The following PKD1 variants were observed in gnomAD, a reference collection of about 807,000 sequenced individuals.
The protein encoded by PKD1 is polycystin 1, transient receptor potential channel interacting, also known as polycystin-1.
In PKD1, 81 loss-of-function variants were observed where a neutral mutation model predicts 361.7. The ratio of observed to expected loss-of-function variants is 0.22; its 90% CI spans 0.19 to 0.27. The LOEUF (loss-of-function observed/expected upper bound fraction) is 0.27. PKD1 is among the 10% of genes least tolerant of loss of function. PKD1 has a pLI of 1.00. For synonymous variants in PKD1, 3,615 were observed against 2,818.3 expected (o/e 1.28, Z -8.95); for missense variants, 6,399 against 6,118.3 (o/e 1.05, Z -1.53).
Position 2,093,709 on chromosome 16 carries a change from C to G in PKD1, c.10851G>C (p.Leu3617=), listed in dbSNP as rs1389211424. The part of the protein sequence containing the change: ...KVLLEALYFS[L]VAKRLHPDED... ...CATCCGGGTGCAGCCGCTTGGCCAC[C>G]AGTGAGAAGTACAGGGCTTCCAGCA... Residue 3617 remains leucine (L), a synonymous_variant, in exon 37 of 46, where the codon CTG becomes CTC. Transcript: ENST00000262304. 2.6e-5 allele frequency: 41 copies of G among 1,594,814 alleles called. No homozygotes were observed. The highest frequency in any genetic ancestry group is 3.3e-5 in the Non-Finnish European group (39 of 1,170,248).
chr16:2,110,768 G>A lies in PKD1; in HGVS notation c.4399C>T (p.Leu1467=). 1 of 1,610,810 alleles carries A rather than the reference G, an allele frequency of 6.2e-7. No individual in the cohort carries two copies. Among genetic ancestry groups the A allele is most frequent in the East Asian group, 2.2e-5 (1 of 44,890 alleles). The change falls in exon 15 of 46, where the codon CTG becomes TTG. Residue 1467 remains leucine (L), a synonymous_variant. Transcript: ENST00000262304. ...CCATTGACCTTGATGCTGGTGACCA[G>A]CACGGGCTCCTGCACCTCCACCAGG... ...SALVEVQEPV[L]VTSIKVNGSL... is the part of the protein sequence containing the mutation.
intron 1 of PKD1, among the ~76,000 whole-genome samples, chr16:2,127,808 G>A (rs1255359438): frequency 6.6e-6 from 1 of 150,634 alleles, no homozygotes; most frequent in Non-Finnish European, 1.5e-5. Flanking sequence ...ACCCAGGTCT[G>A]ACTCCAGGGC....
At position 2,088,938 on chromosome 16, in the gene PKD1, A is replaced by T. The variant is rs568056589; in HGVS notation, c.*789T>A. On this transcript the variant is annotated 3_prime_UTR_variant, in exon 46 of 46. Coordinates refer to ENST00000262304, the MANE Select transcript of PKD1 (RefSeq NM_001009944.3). ...ACCCTGGGAGCCAGCCCCCAGGAGGAGTCTTTTCCTCTAACCACCCTGGGG... is the reference window on the plus strand; with the variant it reads ...ACCCTGGGAGCCAGCCCCCAGGAGGTGTCTTTTCCTCTAACCACCCTGGGG... 2.7e-6 allele frequency: 1 copy of T among 374,726 alleles called. No individual in the cohort carries two copies. Among genetic ancestry groups the T allele is most frequent in the African/African-American group, 2.1e-5 (1 of 47,890 alleles). The allele number at this position is 374,726 out of a possible 1,614,324, so 23.2% of individuals were successfully genotyped here.
At chr16:2,129,561 T>C (rs2092843513) in intron 1 of PKD1, among the ~76,000 whole-genome samples, 1 of 138,760 alleles carries the variant, frequency 7.2e-6, no homozygotes, top group Non-Finnish European at 1.6e-5. Context: ...TTTTTTTTTT[T>C]TTTTTTTGAG....
At chr16:2,126,056 C>T (rs1269224806) in intron 1 of PKD1, among the ~76,000 whole-genome samples, 1 of 152,082 alleles carries the variant, frequency 6.6e-6, no homozygotes, top group African/African-American at 2.4e-5. Context: ...GCGGGCACAG[C>T]AGTGCCCTGG....
rs1468482159 is a variant in PKD1 at position 2,117,072 on chromosome 16, T to G, written c.1386-19A>C. 12 of 1,368,802 alleles carry G rather than the reference T, an allele frequency of 8.8e-6. No homozygotes were observed. In the South Asian group the frequency reaches 1.2e-4, roughly 14 times the overall value. The allele number at this position is 1,368,802 out of a possible 1,614,324, so 84.8% of individuals were successfully genotyped here. A position where few individuals can be genotyped will look rare whatever the true frequency, so the allele number is the denominator to read the frequency against. ...TAGGCTCCTGGGGGCGGGTGTGGGATGGCAGGGGGCTCAGGGCACTCCTCC... is the reference window on the plus strand; with the variant it reads ...TAGGCTCCTGGGGGCGGGTGTGGGAGGGCAGGGGGCTCAGGGCACTCCTCC... On this transcript the variant is annotated intron_variant, in intron 6 of 45. Transcript: ENST00000262304.
Position 2,110,058 on chromosome 16 carries a change from C to T in PKD1, c.5109G>A (p.Leu1703=), listed in dbSNP as rs377053369. ...TGGTGCAGTCGGCCCAGGCGCTGCC[C>T]AGCATGTTGGTGGCCCGCAGCTGCA... ...YHVQLRATNM[L]GSAWADCTMD... The change falls in exon 15 of 46, where the codon CTG becomes CTA. Residue 1703 remains leucine (L), a synonymous_variant. Transcript: ENST00000262304. 4.3e-6 allele frequency: 7 copies of T among 1,610,242 alleles called. No individual in the cohort carries two copies. The highest frequency in any genetic ancestry group is 5.9e-6 in the Non-Finnish European group (7 of 1,179,580).
chr16:2,093,649 C>T lies in PKD1; in HGVS notation c.10911G>A (p.Thr3637=), dbSNP rs745425729. The part of the protein sequence containing the change: ...DDTLVESPAV[T]PVSARVPRVR... ...CGCGGGGCACACGTGCGCTCACAGG[C>T]GTCACAGCCGGGCTCTCTACCAGGG... Residue 3637 remains threonine, a synonymous_variant, in exon 37 of 46, where the codon ACG becomes ACA. Transcript: ENST00000262304. 33 of 1,608,454 alleles carry T rather than the reference C, an allele frequency of 2.1e-5. No homozygotes were observed. The highest frequency in any genetic ancestry group is 6.7e-5 in the Admixed American group (4 of 59,602).
chr16:2,112,988 C>T (rs1428944102), intron 12 of PKD1, 25 bp from the exon 13 acceptor site: 2 of 1,592,890 alleles, frequency 1.3e-6, no homozygotes, highest in Non-Finnish European at 1.7e-6. Context: ...GTCAGTGAGC[C>T]CAGGTGGCAG....
chr16:2,091,571 G>A lies in PKD1; in HGVS notation c.11564C>T (p.Thr3855Met). ...CAGCCCCACGGCCGGGCTGTAGCGCGTGAGCTCCAGGAACACAGCGCGGCT... is the reference window on the plus strand; with the variant it reads ...CAGCCCCACGGCCGGGCTGTAGCGCATGAGCTCCAGGAACACAGCGCGGCT... Reference protein sequence around the residue: ...NRSRAVFLELTRYSPAVGLHA... With the variant: ...NRSRAVFLELMRYSPAVGLHA... The change falls in exon 42 of 46, where the codon ACG (threonine) becomes ATG (methionine). Residue 3855 changes from threonine to methionine, a missense_variant. Thr to Met is a moderately conservative substitution (Grantham distance 81). Transcript: ENST00000262304. 6.5e-7 allele frequency: 1 copy of A among 1,548,504 alleles called. No homozygotes were observed. The highest frequency in any genetic ancestry group is 8.6e-7 in the Non-Finnish European group (1 of 1,157,348).
At chr16:2,130,119 C>T (rs990367774) in intron 1 of PKD1, among the ~76,000 whole-genome samples, 4 of 152,174 alleles carry the variant, frequency 2.6e-5, no homozygotes, top group Non-Finnish European at 5.9e-5. Flanking sequence ...AGTTTGCATC[C>T]GCGTCTAATA....
chr16:2,110,517 C>A lies in PKD1; in HGVS notation c.4650G>T (p.Gly1550=). ...LNVTVKRRVR[G]LVVNASRTVV... ...CCGTGCGGCTTGCATTGACGACGAGCCCCCGCACGCGCCGCTTCACCGTCA... is the reference window on the plus strand; with the variant it reads ...CCGTGCGGCTTGCATTGACGACGAGACCCCGCACGCGCCGCTTCACCGTCA... Residue 1550 remains glycine, a synonymous_variant, in exon 15 of 46, where the codon GGG becomes GGT. Transcript: ENST00000262304. 1 of 1,611,598 alleles carries A rather than the reference C, an allele frequency of 6.2e-7. No individual in the cohort carries two copies. The highest frequency in any genetic ancestry group is 1.1e-5 in the South Asian group (1 of 91,046).
intron 1 of PKD1, among the ~76,000 whole-genome samples, chr16:2,120,933 C>T (rs1415707322): frequency 6.6e-6 from 1 of 151,882 alleles, no homozygotes; most frequent in Non-Finnish European, 1.5e-5. Flanking sequence ...AGGAGAATCA[C>T]GTGAACCCGG....
At position 2,091,614 on chromosome 16, in the gene PKD1, G is replaced by C. The variant is rs766303348; in HGVS notation, c.11538-17C>G. The C allele has an allele frequency of 3.2e-6, 5 of 1,562,496 alleles. No individual in the cohort carries two copies. The highest frequency in any genetic ancestry group is 1.9e-4 in the Middle Eastern group (1 of 5,236). On this transcript the variant is annotated splice_polypyrimidine_tract_variant and intron_variant, in intron 41 of 45. Transcript: ENST00000262304. ...GCGCGGCTCCTGCGCAGAGGGTGCG[G>C]GTCAGTAGGAGCGGGTGGCAGGGCG...
In PKD1 at chr16:2,105,777, C is replaced by T. The variant is rs564479160; in HGVS notation, c.7863+88G>A. 3.8e-5 allele frequency: 54 copies of T among 1,432,850 alleles called. No individual in the cohort carries two copies. In the African/African-American group the frequency reaches 6.3e-4, roughly 17 times the overall value. The allele number at this position is 1,432,850 out of a possible 1,614,324, so 88.8% of individuals were successfully genotyped here. A position where few individuals can be genotyped will look rare whatever the true frequency, so the allele number is the denominator to read the frequency against. ...ATTTATCTCTGGGGCCCGGGATGAGCCCTCTGCAAAGCTCCAGGCAGGGGT... is the reference window on the plus strand; with the variant it reads ...ATTTATCTCTGGGGCCCGGGATGAGTCCTCTGCAAAGCTCCAGGCAGGGGT... On this transcript the variant is annotated intron_variant, in intron 20 of 45. Transcript: ENST00000262304.
In PKD1 at chr16:2,109,966, G is replaced by C. The variant is rs241571; in HGVS notation, c.5201C>G (p.Thr1734Arg). The change falls in exon 15 of 46, where the codon ACA becomes AGA. Residue 1734 changes from threonine to arginine, a missense_variant. Transcript: ENST00000262304. ...AASPNPAAVNTSVTLSAELAG... is the reference protein window; with the variant it reads ...AASPNPAAVNRSVTLSAELAG... Reference sequence around the variant, plus strand: ...CAGCTCGGCACTGAGGGTGACGCTTGTGTTGACGGCAGCTGGGTTCGGGGA... The same window carrying C: ...CAGCTCGGCACTGAGGGTGACGCTTCTGTTGACGGCAGCTGGGTTCGGGGA... 3.1e-6 allele frequency: 5 copies of C among 1,609,968 alleles called. No homozygotes were observed. In the African/African-American group the frequency reaches 4.0e-5, roughly 13 times the overall value.
chr16:2,119,233 T>A (rs1385717972), intron 2 of PKD1, 48 bp from the exon 3 acceptor site: 6 of 1,446,666 alleles, frequency 4.1e-6, no homozygotes, highest in Non-Finnish European at 3.8e-6. Flanking sequence ...CCCCCACAGC[T>A]GAGCAGCAAG....
Position 2,110,947 on chromosome 16 carries a change from G to C in PKD1, c.4220C>G (p.Pro1407Arg). The C allele has an allele frequency of 6.2e-7, 1 of 1,610,848 alleles. No individual in the cohort carries two copies. The highest frequency in any genetic ancestry group is 8.5e-7 in the Non-Finnish European group (1 of 1,179,774). The change falls in exon 15 of 46, where the codon CCG (proline) becomes CGG (arginine). Residue 1407 changes from proline (P) to arginine (R), a missense_variant. By Grantham distance (103) the Pro-to-Arg change is moderately radical. Coordinates refer to ENST00000262304, the MANE Select transcript of PKD1 (RefSeq NM_001009944.3). ...EAWLVACAWPPFPYRYTWDFG... is the reference protein window; with the variant it reads ...EAWLVACAWPRFPYRYTWDFG... ...GTCCCAGGTGTAGCGGTAGGGGAAC[G>C]GGGGCCAGGCACATGCCACCAGCCA...
rs200626823 is a variant in PKD1 at position 2,109,254 on chromosome 16, C to T, written c.5913G>A (p.Val1971=). The T allele has an allele frequency of 1.8e-4, 280 of 1,585,896 alleles. No homozygotes were observed. Among genetic ancestry groups the T allele is most frequent in the Non-Finnish European group, 2.1e-4 (250 of 1,166,020 alleles). The change falls in exon 15 of 46, where the codon GTG becomes GTA. Residue 1971 remains valine, a synonymous_variant. Transcript: ENST00000262304. ...AQVRIVVLEA[V]SGLQVPNCCE... ...AGCAGTTGGGCACCTGCAGCCCACTCACGGCCTCCAGCACCACGATGCGCA... is the reference window on the plus strand; with the variant it reads ...AGCAGTTGGGCACCTGCAGCCCACTTACGGCCTCCAGCACCACGATGCGCA...
Sources: allele counts gnomAD v4.1 joint callset (sites outside exome capture counted in the v4.1 genomes callset), GRCh38; gene constraint gnomAD v4.1.1; transcripts MANE v1.5; gene names NCBI Gene and HGNC (gene_info 2026-07-23, HGNC 2026-07-21).